TAF4B: variants seen among roughly 807,000 people sequenced by gnomAD.
TAF4B encodes transcription initiation factor TFIID subunit 4B.
A neutral mutation model predicts 86.4 loss-of-function variants in TAF4B; 38 were observed. That is an observed-to-expected ratio of 0.44 (90% CI 0.34 to 0.58). The LOEUF (loss-of-function observed/expected upper bound fraction) is 0.58. Ranked by LOEUF, TAF4B falls within the 20% of genes least tolerant of loss-of-function variation. The pLI is 0.02. For missense variants in TAF4B, 988 were observed against 1,027.6 expected (o/e 0.96, Z 0.53); for synonymous variants, 388 against 391.2 (o/e 0.99, Z 0.10).
At chr18:26,294,039 C>T (rs980956125) in intron 9 of TAF4B, among the ~76,000 whole-genome samples, 1 of 151,922 alleles carries the variant, frequency 6.6e-6, no homozygotes, top group African/African-American at 2.4e-5. Context: ...TGATCTTTTT[C>T]ACTATTGATG....
At chr18:26,291,676 T>C (rs1388090110) in intron 7 of TAF4B, among the ~76,000 whole-genome samples, 30 of 135,806 alleles carry the variant, frequency 2.2e-4, no homozygotes, top group African/African-American at 8.4e-4. Flanking sequence ...CACTGCACTC[T>C]AGCCTGGGTG....
chr18:26,286,599 GT>G, intron 7 of TAF4B, 100 bp downstream of exon 7: 1 of 1,268,928 alleles, frequency 7.9e-7, no homozygotes, highest in Non-Finnish European at 1.1e-6. Context: ...GCTATATACT[GT>G]TTACGGGTTT....
intron 7 of TAF4B, among the ~76,000 whole-genome samples, chr18:26,291,865 A>C (rs931242156): frequency 2.0e-5 from 3 of 151,906 alleles, no homozygotes; most frequent in Non-Finnish European, 2.9e-5. Context: ...GTGTAGATGG[A>C]AACAAGATTG....
intron 5 of TAF4B, among the ~76,000 whole-genome samples, chr18:26,276,240 T>G (rs1255806387): frequency 6.6e-6 from 1 of 152,098 alleles, no homozygotes; most frequent in Non-Finnish European, 1.5e-5. Context: ...TTTATATGAG[T>G]GCCAAGATGC....
chr18:26,254,576 T>C (rs974424882), intron 1 of TAF4B, among the ~76,000 whole-genome samples: 5 of 152,162 alleles, frequency 3.3e-5, no homozygotes, highest in Non-Finnish European at 7.4e-5. Flanking sequence ...CTCTAAGAAA[T>C]GTGCCCCAAG....
In TAF4B at chr18:26,360,883, A is replaced by G. The variant is rs141700085; in HGVS notation, c.2421+3089A>G. Among the ~76,000 whole-genome samples, 52 of 152,320 alleles carry G rather than the reference A, an allele frequency of 3.4e-4. No individual in the cohort carries two copies. In the East Asian group the frequency reaches 9.8e-3, roughly 29 times the overall value. ...AATATTTGTGTCTGCAGTGTCCTGA[A>G]TAGCCACATATGGCTGTCGAGATCT... On this transcript the variant is annotated intron_variant, in intron 14 of 14. Coordinates refer to ENST00000269142, the MANE Select transcript of TAF4B (RefSeq NM_005640.3).
In TAF4B at chr18:26,250,496, C is replaced by CA. The variant is rs9304494; in HGVS notation, c.344-14655dup. Among the ~76,000 whole-genome samples the CA allele has an allele frequency of 3.5e-3, 476 of 135,662 alleles. 3 individuals are homozygous for CA. Among genetic ancestry groups the CA allele is most frequent in the Non-Finnish European group, 4.9e-3 (305 of 62,736 alleles). 89.0% of individuals were successfully genotyped at this position (135,662 alleles called of 152,430 possible). A position where few individuals can be genotyped will look rare whatever the true frequency, so the allele number is the denominator to read the frequency against. On this transcript the variant is annotated intron_variant, in intron 1 of 14. Coordinates refer to ENST00000269142, the MANE Select transcript of TAF4B (RefSeq NM_005640.3). ...TGGGCAACAGAGCGAGACTCCATCTCAAAAAAAAAAAAAAAAAAATTTTTT... is the reference window on the plus strand; with the variant it reads ...TGGGCAACAGAGCGAGACTCCATCTCAAAAAAAAAAAAAAAAAAAATTTTTT...
rs1217537498 is a variant in TAF4B, at chr18:26,315,091, TGAAA to T, written c.1833-137_1833-134del. 364 of 528,284 alleles carry T rather than the reference TGAAA, an allele frequency of 6.9e-4. 1 individual carries two copies. Among genetic ancestry groups the T allele is most frequent in the African/African-American group, 5.1e-3 (248 of 49,052 alleles). 32.7% of individuals were successfully genotyped at this position (528,284 alleles called of 1,614,324 possible). A position where few individuals can be genotyped will look rare whatever the true frequency, so the allele number is the denominator to read the frequency against. On this transcript the variant is annotated intron_variant, in intron 9 of 14. Transcript: ENST00000269142. ...AGAGACCTCTAATTCTTTTGCTCTC[TGAAA>T]CTCTCTCTCTCTCTCTCTCTCTCTC... is the stretch of plus-strand genomic sequence containing the variant.
At chr18:26,301,462 A>T (rs1227158391) in intron 9 of TAF4B, among the ~76,000 whole-genome samples, 1 of 151,550 alleles carries the variant, frequency 6.6e-6, no homozygotes, top group African/African-American at 2.4e-5. Flanking sequence ...AGCTTTTTTT[A>T]AAATTTATTT....
intron 9 of TAF4B, among the ~76,000 whole-genome samples, chr18:26,313,994 C>G (rs2144662135): frequency 6.6e-6 from 1 of 152,230 alleles, no homozygotes; most frequent in Admixed American, 6.5e-5. Flanking sequence ...GCTTACATCT[C>G]TTATATGTGT....
At chr18:26,349,031 ATAAACAAT>A (rs2057222965) in intron 13 of TAF4B, 1 of 152,222 alleles carries the variant, frequency 6.6e-6, no homozygotes, top group Admixed American at 6.5e-5. Flanking sequence ...AATTAACCAA[ATAAACAAT>A]GTGCATGCTA....
chr18:26,346,422 A>C (rs2057179755), intron 13 of TAF4B, among the ~76,000 whole-genome samples: 1 of 151,762 alleles, frequency 6.6e-6, no homozygotes, highest in Non-Finnish European at 1.5e-5. Context: ...AGAAGTGAAA[A>C]GATGTAGAAA....
At chr18:26,269,485 C>G (rs547543739) in intron 3 of TAF4B, among the ~76,000 whole-genome samples, 32 of 152,174 alleles carry the variant, frequency 2.1e-4, no homozygotes, top group African/African-American at 6.0e-4. Flanking sequence ...TGTGATGAAA[C>G]CAGTGGATCT....
intron 13 of TAF4B, among the ~76,000 whole-genome samples, chr18:26,353,680 T>G (rs1161667795): frequency 2.0e-5 from 3 of 151,620 alleles, no homozygotes; most frequent in Non-Finnish European, 4.4e-5. Flanking sequence ...TTCCAATGAT[T>G]AGGAAAAAGG....
Position 26,321,186 on chromosome 18 carries a change from A to G in TAF4B, c.2119A>G (p.Met707Val), listed in dbSNP as rs148555305. The change falls in exon 11 of 15, where the codon ATG becomes GTG. Residue 707 changes from methionine to valine, a missense_variant. By Grantham distance (21) the Met-to-Val change is conservative (BLOSUM62 1). This residue lies in a region of TAF4B where 216 missense variants were observed against 238.4 expected (regional missense o/e 0.91). Coordinates refer to ENST00000269142, the MANE Select transcript of TAF4B (RefSeq NM_005640.3). ...ACTGACTGCAATTGCTCAGCATCGA[A>G]TGACTACTTACAAGGTAAAGGAAAT... ...EKLTAIAQHR[M>V]TTYKASENYI... 2 of 1,613,690 alleles carry G rather than the reference A, an allele frequency of 1.2e-6. No individual in the cohort carries two copies. The highest frequency in any genetic ancestry group is 1.7e-6 in the Non-Finnish European group (2 of 1,179,734).
intron 1 of TAF4B, among the ~76,000 whole-genome samples, chr18:26,247,922 C>T (rs1404387543): frequency 6.7e-6 from 1 of 149,382 alleles, no homozygotes; most frequent in Non-Finnish European, 1.5e-5. Flanking sequence ...GTCACCCAGG[C>T]TGGAATGCAT....
At chr18:26,358,553 A>G (rs1318111796) in intron 14 of TAF4B, among the ~76,000 whole-genome samples, 1 of 152,156 alleles carries the variant, frequency 6.6e-6, no homozygotes, top group Admixed American at 6.6e-5. Flanking sequence ...TACTAAAAAT[A>G]TAAAAAATTA....
intron 1 of TAF4B, among the ~76,000 whole-genome samples, chr18:26,251,679 C>T (rs909482446): frequency 6.6e-6 from 1 of 152,172 alleles, no homozygotes; most frequent in Non-Finnish European, 1.5e-5. Context: ...AAGTGAGTCT[C>T]AGATACTTAT....
chr18:26,316,436 G>A (rs1389700277), intron 10 of TAF4B, among the ~76,000 whole-genome samples: 1 of 151,746 alleles, frequency 6.6e-6, no homozygotes, highest in Non-Finnish European at 1.5e-5. Context: ...TGTCACCCAG[G>A]CTGGAGTGCA....
Sources: gnomAD v4.1 joint callset for allele counts (sites outside exome capture counted in the v4.1 genomes callset) on GRCh38, gnomAD v4.1.1 for gene constraint, gnomAD v4.1.1 regional missense constraint, MANE v1.5 for transcripts, NCBI Gene and HGNC (gene_info 2026-07-23, HGNC 2026-07-21) for gene names.